Variants in KSR2 observed in about 807,000 individuals in gnomAD.
KSR2 encodes the protein kinase suppressor of ras 2.
KSR2 carries 25 observed loss-of-function variants against 107.8 expected under a neutral mutation model. The ratio of observed to expected loss-of-function variants is 0.23; its 90% CI spans 0.17 to 0.32. The LOEUF is 0.32. Among genes scored for constraint, KSR2 ranks in the 10% least tolerant of loss-of-function variants. The pLI is 1.00. For missense variants in KSR2, 887 were observed against 1,268.9 expected, an observed-to-expected ratio of 0.70 and a Z score of 4.57; for synonymous variants, 480 against 507.0, an observed-to-expected ratio of 0.95 and a Z score of 0.71.
intron 1 of KSR2, among the ~76,000 whole-genome samples, chr12:117,942,747 G>T (rs1280591129): frequency 6.6e-6 from 1 of 151,070 alleles, no homozygotes; most frequent in Non-Finnish European, 1.5e-5. Context: ...CAATCCTTCC[G>T]CCTTGGCCTT....
intron 4 of KSR2, among the ~76,000 whole-genome samples, chr12:117,717,708 T>TGC (rs1175850914): frequency 3.6e-4 from 33 of 90,430 alleles, no homozygotes; most frequent in African/African-American, 1.2e-3. Flanking sequence ...TGTGTGTGTG[T>TGC]GTGTGCATGC....
chr12:117,513,536 G>A (rs931402049), intron 14 of KSR2, among the ~76,000 whole-genome samples: 8 of 152,196 alleles, frequency 5.3e-5, no homozygotes, highest in Admixed American at 2.0e-4. Flanking sequence ...GGGACAAGTG[G>A]CAGGGTTTCA....
At chr12:117,807,308 C>A (rs1891044587) in intron 3 of KSR2, among the ~76,000 whole-genome samples, 1 of 152,124 alleles carries the variant, frequency 6.6e-6, no homozygotes, top group Admixed American at 6.5e-5. Flanking sequence ...TCTAAAAAAC[C>A]AGAGTGAGGG....
rs143445863 is a variant in KSR2 at position 117,923,948 on chromosome 12, G to A, written c.180+44128C>T. ...GGCTGGAGTGCAATGGTGTGATCTC[G>A]GCTCACCACAACTTCCACTTCCGGG... is the stretch of plus-strand genomic sequence containing the variant. On this transcript the variant is annotated intron_variant, in intron 1 of 19. Coordinates refer to ENST00000339824, the MANE Select transcript of KSR2 (RefSeq NM_173598.6). 5.7e-3 allele frequency among the ~76,000 whole-genome samples: 839 copies of A among 148,468 alleles called. 8 individuals carry two copies. Among genetic ancestry groups the A allele is most frequent in the African/African-American group, 0.02 (797 of 40,216 alleles).
rs1870976188 is a variant in KSR2, at chr12:117,462,933, G to C, written c.*4266C>G. ...GGGGATGTGCAGTCACAGAGGAAAG[G>C]CCACGTGAGGTCACGATCAGAGGGC... On this transcript the variant is annotated 3_prime_UTR_variant, in exon 20 of 20. Transcript: ENST00000339824. 1 of 152,208 alleles carries C rather than the reference G, an allele frequency of 6.6e-6. No homozygotes were observed. Among genetic ancestry groups the C allele is most frequent in the Non-Finnish European group, 1.5e-5 (1 of 68,076 alleles). The allele number at this position is 152,208 out of a possible 1,614,324, so 9.4% of individuals were successfully genotyped here.
chr12:117,911,855 T>C (rs1237344941), intron 1 of KSR2, among the ~76,000 whole-genome samples: 2 of 152,218 alleles, frequency 1.3e-5, no homozygotes, highest in African/African-American at 4.8e-5. Context: ...TCCAACATAT[T>C]GCTTGGCAAG....
At position 117,540,632 on chromosome 12, in the gene KSR2, T is replaced by C. The variant is rs1406051420; in HGVS notation, c.1519-745A>G. Among the ~76,000 whole-genome samples the C allele has an allele frequency of 3.3e-5, 5 of 152,358 alleles. No individual in the cohort carries two copies. The South Asian group carries it at 8.3e-4, about 25-fold the overall frequency. On this transcript the variant is annotated intron_variant, in intron 9 of 19. Transcript: ENST00000339824. ...CCAATGACAAATATCCAAATCATCC[T>C]GGATTCGGGTGAGTCCTAAATCCAA...
intron 4 of KSR2, among the ~76,000 whole-genome samples, chr12:117,734,484 T>G (rs1887862398): frequency 6.6e-6 from 1 of 152,106 alleles, no homozygotes; most frequent in African/African-American, 2.4e-5. Context: ...CACTAACAGC[T>G]GGGGCCCGGG....
At chr12:117,469,531 G>A in intron 19 of KSR2, 131 bp downstream of exon 19, 1 of 1,028,742 alleles carries the variant, frequency 9.7e-7, no homozygotes, top group Non-Finnish European at 1.4e-6. Context: ...AGGGAAGAGT[G>A]GTTGCCGAAG....
intron 1 of KSR2, among the ~76,000 whole-genome samples, chr12:117,957,905 C>T (rs554550071): frequency 4.0e-5 from 6 of 151,412 alleles, no homozygotes; most frequent in East Asian, 3.9e-4. Flanking sequence ...AATCTCAGCT[C>T]GCTGCAACCT....
chr12:117,582,383 G>C, intron 5 of KSR2, 24 bp from the exon 6 acceptor site: 3 of 1,591,946 alleles, frequency 1.9e-6, no homozygotes, highest in Non-Finnish European at 2.6e-6. Context: ...AGAACAGCCT[G>C]TTACACAGAG....
intron 9 of KSR2, among the ~76,000 whole-genome samples, chr12:117,550,871 T>C (rs1453181809): frequency 1.3e-5 from 2 of 152,162 alleles, no homozygotes; most frequent in Non-Finnish European, 2.9e-5. Context: ...TGGACTGAGC[T>C]AAAGACCATC....
intron 5 of KSR2, among the ~76,000 whole-genome samples, chr12:117,591,696 G>A (rs1018652505): frequency 2.0e-5 from 3 of 148,910 alleles, no homozygotes; most frequent in African/African-American, 7.5e-5. Context: ...CATTCCACCT[G>A]GTCCCACCCC....
chr12:117,628,724 C>T (rs1235121671), intron 5 of KSR2, among the ~76,000 whole-genome samples: 3 of 152,208 alleles, frequency 2.0e-5, no homozygotes, highest in Non-Finnish European at 4.4e-5. Context: ...GGAGAACCAC[C>T]GCTCTCTTCA....
chr12:117,700,263 T>A (rs576205), intron 4 of KSR2, among the ~76,000 whole-genome samples: 1 of 151,906 alleles, frequency 6.6e-6, no homozygotes, highest in East Asian at 1.9e-4. Context: ...ACACAGAATG[T>A]TTGGGACTTA....
At chr12:117,956,111 G>A (rs1005707351) in intron 1 of KSR2, among the ~76,000 whole-genome samples, 12 of 151,690 alleles carry the variant, frequency 7.9e-5, no homozygotes, top group Admixed American at 2.6e-4. Context: ...TTAGCCAGGC[G>A]TGGTGGCGGG....
chr12:117,769,261 G>A (rs992378441), intron 3 of KSR2, among the ~76,000 whole-genome samples: 2 of 151,418 alleles, frequency 1.3e-5, no homozygotes, highest in African/African-American at 4.9e-5. Flanking sequence ...ATTTCATCAC[G>A]TTCACCTACT....
intron 5 of KSR2, among the ~76,000 whole-genome samples, chr12:117,645,814 C>A (rs921645374): frequency 7.3e-5 from 11 of 151,674 alleles, no homozygotes; most frequent in Non-Finnish European, 1.5e-4. Context: ...TCTTACAATT[C>A]CGAATACAGC....
intron 14 of KSR2, among the ~76,000 whole-genome samples, chr12:117,498,541 G>A (rs1015455791): frequency 5.9e-5 from 9 of 152,106 alleles, no homozygotes; most frequent in African/African-American, 1.9e-4. Context: ...CCTATCCTTT[G>A]TCTTCTTGGG....
Sources: allele counts gnomAD v4.1 joint callset (sites outside exome capture counted in the v4.1 genomes callset), GRCh38; gene constraint gnomAD v4.1.1; transcripts MANE v1.5; gene names NCBI Gene and HGNC (gene_info 2026-07-23, HGNC 2026-07-21).